The following EPC2 variants were observed in gnomAD, a reference collection of about 807,000 sequenced individuals.
EPC2 encodes the protein enhancer of polycomb 2, also known as enhancer of polycomb homolog 2.
In EPC2, 14 loss-of-function variants were observed where a neutral mutation model predicts 92.1. The ratio of observed to expected loss-of-function variants is 0.15; its 90% confidence interval spans 0.10 to 0.24. The LOEUF (loss-of-function observed/expected upper bound fraction) is 0.24, where lower values mean the gene tolerates loss of function less well. Among genes scored for constraint, EPC2 ranks in the 10% least tolerant of loss-of-function variants. The pLI is 1.00. For synonymous variants in EPC2, 340 were observed against 334.7 expected (o/e 1.02, Z -0.17); for missense variants, 755 against 971.5 (o/e 0.78, Z 2.96).
chr2:148,708,850 TAGTA>T (rs1474745202), intron 2 of EPC2, among the ~76,000 whole-genome samples: 5 of 152,080 alleles, frequency 3.3e-5, no homozygotes, highest in Non-Finnish European at 7.3e-5. Context: ...TATCTCAAAA[TAGTA>T]AGAGCTATTT....
At chr2:148,709,771 T>G (rs1442774972) in intron 2 of EPC2, among the ~76,000 whole-genome samples, 2 of 152,230 alleles carry the variant, frequency 1.3e-5, no homozygotes, top group African/African-American at 4.8e-5. Flanking sequence ...TAATAAATGG[T>G]GCTGGGAAAA....
At chr2:148,659,510 T>C (rs1680890329) in intron 1 of EPC2, among the ~76,000 whole-genome samples, 1 of 152,170 alleles carries the variant, frequency 6.6e-6, no homozygotes, top group Admixed American at 6.6e-5. Flanking sequence ...ATTGATACTT[T>C]GTTGTTTGTG....
chr2:148,658,846 A>G (rs1680876109), intron 1 of EPC2, among the ~76,000 whole-genome samples: 1 of 151,844 alleles, frequency 6.6e-6, no homozygotes, highest in Admixed American at 6.6e-5. Context: ...TTTATTTTGT[A>G]TGATTATTAT....
chr2:148,739,051 C>T (rs1008512918), intron 2 of EPC2, among the ~76,000 whole-genome samples: 1 of 152,160 alleles, frequency 6.6e-6, no homozygotes, highest in Non-Finnish European at 1.5e-5. Flanking sequence ...TACCCAGAAG[C>T]TGTTGACCGG....
At chr2:148,778,580 A>G (rs1683692280) in intron 10 of EPC2, among the ~76,000 whole-genome samples, 1 of 141,334 alleles carries the variant, frequency 7.1e-6, no homozygotes, top group African/African-American at 2.6e-5. Flanking sequence ...AACCCTGAGA[A>G]TTGCAATTCA....
At chr2:148,679,865 C>G (rs1234428153) in intron 1 of EPC2, among the ~76,000 whole-genome samples, 1 of 152,100 alleles carries the variant, frequency 6.6e-6, no homozygotes, top group Non-Finnish European at 1.5e-5. Context: ...CCAGGGTGGT[C>G]TCGATCTCCT....
intron 1 of EPC2, among the ~76,000 whole-genome samples, chr2:148,657,372 T>G: frequency 6.6e-6 from 1 of 152,142 alleles, no homozygotes; most frequent in East Asian, 1.9e-4. Context: ...TCATCAAGGC[T>G]TTCAAAATAC....
intron 2 of EPC2, among the ~76,000 whole-genome samples, chr2:148,709,597 A>G (rs1010007823): frequency 6.6e-6 from 1 of 152,212 alleles, no homozygotes; most frequent in Non-Finnish European, 1.5e-5. Context: ...TTCAAACTAT[A>G]CTACAAGTCT....
chr2:148,744,998 C>CT (rs1050704030), intron 3 of EPC2, among the ~76,000 whole-genome samples: 3 of 127,214 alleles, frequency 2.4e-5, no homozygotes, highest in Non-Finnish European at 5.5e-5. Flanking sequence ...TGCCCCCCCC[C>CT]CCCGCACCAT....
At chr2:148,776,949 C>T (rs964640206) in intron 10 of EPC2, among the ~76,000 whole-genome samples, 10 of 150,114 alleles carry the variant, frequency 6.7e-5, no homozygotes, top group African/African-American at 2.4e-4. Flanking sequence ...CAATCTTCAC[C>T]TCCCAGGCGA....
At chr2:148,757,175 G>T (rs1411829463) in intron 4 of EPC2, among the ~76,000 whole-genome samples, 2 of 151,942 alleles carry the variant, frequency 1.3e-5, no homozygotes, top group Non-Finnish European at 2.9e-5. Flanking sequence ...AGGAGTTCAA[G>T]ATCAGCCTGG....
intron 2 of EPC2, among the ~76,000 whole-genome samples, chr2:148,726,753 G>GTTTTTTTTTT (rs1682503554): frequency 1.1e-5 from 1 of 87,926 alleles, no homozygotes; most frequent in African/African-American, 4.0e-5. Flanking sequence ...TTTTTTTTTT[G>GTTTTTTTTTT]TTTTGTTTTT....
In EPC2 at chr2:148,680,089, CTTT is replaced by C. The variant is rs71406027; in HGVS notation, c.154-10112_154-10110del. On this transcript the variant is annotated intron_variant, in intron 1 of 13. Transcript: ENST00000258484. ...CACTGGAAGCCCTTTTCTCAAGCCC[CTTT>C]TTTTTTTTTTTTAAATGTTTCTGGA... is the stretch of plus-strand genomic sequence containing the variant. Among the ~76,000 whole-genome samples the C allele has an allele frequency of 7.1e-5, 10 of 141,508 alleles. No individual in the cohort carries two copies. The East Asian group carries it at 1.2e-3, about 17-fold the overall frequency. The allele number at this position is 141,508 out of a possible 152,430, so 92.8% of individuals were successfully genotyped here. A position where few individuals can be genotyped will look rare whatever the true frequency, so the allele number is the denominator to read the frequency against.
Position 148,787,180 on chromosome 2 carries a change from A to T in EPC2, c.*803A>T, listed in dbSNP as rs576814500. On this transcript the variant is annotated 3_prime_UTR_variant, in exon 14 of 14. Transcript: ENST00000258484. The stretch of plus-strand genomic sequence containing the variant: ...TTTTATCTGAAGGCTGCATATTTTA[A>T]CTGGCTTTAAAACTGTAACACATCA... 3.3e-5 allele frequency: 5 copies of T among 152,706 alleles called. No homozygotes were observed. In the East Asian group the frequency reaches 9.6e-4, roughly 29 times the overall value. The allele number at this position is 152,706 out of a possible 1,614,324, so 9.5% of individuals were successfully genotyped here.
chr2:148,716,129 C>T (rs998226230), intron 2 of EPC2, among the ~76,000 whole-genome samples: 4 of 152,132 alleles, frequency 2.6e-5, no homozygotes, highest in Non-Finnish European at 5.9e-5. Flanking sequence ...TGGGCTGAGA[C>T]GATGGGGTTT....
chr2:148,775,425 T>C (rs963855024), intron 10 of EPC2, among the ~76,000 whole-genome samples: 1 of 152,006 alleles, frequency 6.6e-6, no homozygotes, highest in Non-Finnish European at 1.5e-5. Context: ...ATGCATTTCA[T>C]ATCTAAAAGT....
chr2:148,671,611 C>G (rs1056810637), intron 1 of EPC2, among the ~76,000 whole-genome samples: 2 of 142,230 alleles, frequency 1.4e-5, no homozygotes, highest in Admixed American at 7.1e-5. Flanking sequence ...AAGACCCCAT[C>G]CCCCCAAAAA....
At chr2:148,697,994 A>G (rs1681785411) in intron 2 of EPC2, among the ~76,000 whole-genome samples, 2 of 152,130 alleles carry the variant, frequency 1.3e-5, no homozygotes, top group South Asian at 4.1e-4. Flanking sequence ...AAATTGGACC[A>G]CGTAGGACCT....
intron 2 of EPC2, among the ~76,000 whole-genome samples, chr2:148,700,398 T>C (rs1276154830): frequency 6.6e-6 from 1 of 152,122 alleles, no homozygotes; most frequent in Non-Finnish European, 1.5e-5. Context: ...TTAATTTTTG[T>C]GAAGGGTATA....
Sources: gnomAD v4.1 joint callset for allele counts (sites outside exome capture counted in the v4.1 genomes callset) on GRCh38, gnomAD v4.1.1 for gene constraint, MANE v1.5 for transcripts, NCBI Gene and HGNC (gene_info 2026-07-23, HGNC 2026-07-21) for gene names.